The following EZH2 variants were observed in gnomAD, a reference collection of about 807,000 sequenced individuals.
The protein encoded by EZH2 is histone-lysine N-methyltransferase EZH2.
In EZH2, 18 loss-of-function variants were observed where a neutral mutation model predicts 98.4. That is an observed-to-expected ratio of 0.18 (90% CI 0.13 to 0.27). The LOEUF (loss-of-function observed/expected upper bound fraction) is 0.27. EZH2 is among the 10% of genes least tolerant of loss of function. The probability of loss-of-function intolerance (pLI) is 1.00; values close to 1 mark genes in which losing one functional copy is unlikely to be tolerated. For missense variants in EZH2, 470 were observed against 935.1 expected (o/e 0.50, Z 6.49); for synonymous variants, 338 against 312.3 (o/e 1.08, Z -0.87).
intron 3 of EZH2, among the ~76,000 whole-genome samples, chr7:148,840,951 T>C (rs935570669): frequency 1.3e-5 from 2 of 152,190 alleles, no homozygotes; most frequent in African/African-American, 4.8e-5. Flanking sequence ...TTGGGGAAGA[T>C]ACATGATCTT....
chr7:148,808,406 T>A (rs734003), intron 19 of EZH2, among the ~76,000 whole-genome samples: 1 of 152,110 alleles, frequency 6.6e-6, no homozygotes, highest in African/African-American at 2.4e-5. Flanking sequence ...CTGGATGGGA[T>A]GTACACGGGG....
At chr7:148,822,667 C>A (rs867463372) in intron 8 of EZH2, among the ~76,000 whole-genome samples, 1 of 150,468 alleles carries the variant, frequency 6.6e-6, no homozygotes. Context: ...ATAGGCCAGG[C>A]GCAGTGGCTC....
chr7:148,849,117 G>C (rs1291629196), intron 1 of EZH2, among the ~76,000 whole-genome samples: 2 of 151,252 alleles, frequency 1.3e-5, no homozygotes, highest in Non-Finnish European at 3.0e-5. Context: ...TTTTTTTTCT[G>C]AATATTTTTT....
At chr7:148,849,082 A>G (rs1465256678) in intron 1 of EZH2, among the ~76,000 whole-genome samples, 3 of 152,222 alleles carry the variant, frequency 2.0e-5, no homozygotes, top group African/African-American at 7.2e-5. Context: ...CAGTACAGAC[A>G]TGTTCAGTAC....
chr7:148,853,061 G>A lies in EZH2; in HGVS notation c.-7-5756C>T, dbSNP rs181920948. On this transcript the variant is annotated intron_variant, in intron 1 of 19. Coordinates refer to ENST00000320356, the MANE Select transcript of EZH2 (RefSeq NM_004456.5). Reference sequence around the variant, plus strand: ...TGGAAGACAGTTTTTCCACAAAGAGGGGAGAGGGTACATGGTTTCAGGATG... The same window carrying A: ...TGGAAGACAGTTTTTCCACAAAGAGAGGAGAGGGTACATGGTTTCAGGATG... 5.8e-4 allele frequency among the ~76,000 whole-genome samples: 88 copies of A among 152,250 alleles called. 1 individual carries two copies. The highest frequency in any genetic ancestry group is 3.4e-3 in the Middle Eastern group (1 of 294).
intron 9 of EZH2, among the ~76,000 whole-genome samples, chr7:148,819,259 T>G (rs1805354336): frequency 6.6e-6 from 1 of 152,198 alleles, no homozygotes; most frequent in South Asian, 2.1e-4. Context: ...TGGGATCTAC[T>G]GCGTATGATT....
In EZH2 at chr7:148,807,640, C is replaced by G; in HGVS notation, c.*6G>C. The stretch of plus-strand genomic sequence containing the variant: ...TTTCAGAGGAGGGGGGAGGAGGTAG[C>G]AGATGTCAAGGGATTTCCATTTCTC... On this transcript the variant is annotated 3_prime_UTR_variant, in exon 20 of 20. Transcript: ENST00000320356. The G allele has an allele frequency of 6.3e-7, 1 of 1,592,886 alleles. No individual in the cohort carries two copies. Among genetic ancestry groups the G allele is most frequent in the Non-Finnish European group, 8.6e-7 (1 of 1,168,682 alleles).
chr7:148,882,119 GTTAC>G (rs1821094683), intron 1 of EZH2, among the ~76,000 whole-genome samples: 1 of 151,832 alleles, frequency 6.6e-6, no homozygotes, highest in South Asian at 2.1e-4. Context: ...TAATATAAAC[GTTAC>G]TTTTTTGTTA....
intron 1 of EZH2, among the ~76,000 whole-genome samples, chr7:148,865,076 G>C (rs1351130283): frequency 6.6e-6 from 1 of 150,694 alleles, no homozygotes; most frequent in East Asian, 2.0e-4. Flanking sequence ...GCGTTAAGCT[G>C]AGATCGCGCC....
At chr7:148,813,154 T>C (rs973880494) in intron 15 of EZH2, among the ~76,000 whole-genome samples, 2 of 152,028 alleles carry the variant, frequency 1.3e-5, no homozygotes, top group African/African-American at 4.8e-5. Context: ...TCTTGTGACT[T>C]TGGGTTTCCT....
At chr7:148,842,999 G>A (rs1812869836) in intron 3 of EZH2, among the ~76,000 whole-genome samples, 1 of 152,056 alleles carries the variant, frequency 6.6e-6, no homozygotes, top group Non-Finnish European at 1.5e-5. Context: ...CCTGAGGTCA[G>A]GAGTTCGAGA....
chr7:148,828,948 T>A (rs951647091), intron 5 of EZH2, 68 bp from the exon 6 acceptor site: 2 of 1,497,360 alleles, frequency 1.3e-6, no homozygotes. Flanking sequence ...GTATCCTTTT[T>A]CTACTTGGAC....
At chr7:148,812,974 G>T (rs1584899479) in intron 15 of EZH2, among the ~76,000 whole-genome samples, 1 of 152,072 alleles carries the variant, frequency 6.6e-6, no homozygotes, top group Non-Finnish European at 1.5e-5. Flanking sequence ...GGTAGAAGGG[G>T]ACTTGCTGGT....
intron 8 of EZH2, among the ~76,000 whole-genome samples, chr7:148,823,214 T>C (rs1232765896): frequency 6.6e-6 from 1 of 152,218 alleles, no homozygotes; most frequent in Non-Finnish European, 1.5e-5. Context: ...TGCATCCCCA[T>C]ATGGCAGGTC....
chr7:148,820,525 C>G (rs2129472773), intron 8 of EZH2, among the ~76,000 whole-genome samples: 1 of 147,850 alleles, frequency 6.8e-6, no homozygotes, highest in African/African-American at 2.5e-5. Context: ...TGTAAAAAGC[C>G]ATATTTAAAG....
At chr7:148,866,491 A>AATATATATACGTATATAC (rs1818462874) in intron 1 of EZH2, among the ~76,000 whole-genome samples, 1 of 123,182 alleles carries the variant, frequency 8.1e-6, no homozygotes, top group Non-Finnish European at 1.7e-5. Context: ...AACTGTGAAA[A>AATATATATACGTATATAC]ATATATATAC....
chr7:148,847,019 T>G (rs1814329412), intron 2 of EZH2, among the ~76,000 whole-genome samples, 163 bp downstream of exon 2: 1 of 152,192 alleles, frequency 6.6e-6, no homozygotes, highest in Non-Finnish European at 1.5e-5. Context: ...GTGCATGGTA[T>G]AATGTTAAGA....
intron 12 of EZH2, 79 bp from the exon 13 acceptor site, chr7:148,815,625 A>G (rs1029815994): frequency 8.0e-6 from 10 of 1,244,366 alleles, no homozygotes; most frequent in Admixed American, 1.7e-5. Context: ...AACTGGATCT[A>G]TCTGTGCCAT....
chr7:148,883,747 C>T (rs893588202), intron 1 of EZH2, among the ~76,000 whole-genome samples: 1 of 151,942 alleles, frequency 6.6e-6, no homozygotes, highest in African/African-American at 2.4e-5. Context: ...TTGTGTCTGT[C>T]CCGTCCCACC....
Sources: allele counts gnomAD v4.1 joint callset (sites outside exome capture counted in the v4.1 genomes callset), GRCh38; gene constraint gnomAD v4.1.1; transcripts MANE v1.5; gene names NCBI Gene and HGNC (gene_info 2026-07-23, HGNC 2026-07-21).